The following USP48 variants were observed in gnomAD, a reference collection of about 807,000 sequenced individuals.
USP48 encodes ubiquitin specific peptidase 48, also known as ubiquitin carboxyl-terminal hydrolase 48.
In USP48, 43 loss-of-function variants were observed where a neutral mutation model predicts 150.7. That is an observed-to-expected ratio of 0.29 (90% CI 0.22 to 0.37). The LOEUF is 0.37. Ranked by LOEUF, USP48 falls within the 10% of genes least tolerant of loss-of-function variation. The pLI is 1.00. For missense variants in USP48, 813 were observed against 1,249.6 expected, an observed-to-expected ratio of 0.65 and a Z score of 5.27; for synonymous variants, 396 against 425.9, an observed-to-expected ratio of 0.93 and a Z score of 0.86.
At chr1:21,739,594 T>A (rs929356960) in intron 8 of USP48, among the ~76,000 whole-genome samples, 1 of 151,816 alleles carries the variant, frequency 6.6e-6, no homozygotes, top group African/African-American at 2.4e-5. Flanking sequence ...ATGTTTGATA[T>A]GTTTACATCA....
At chr1:21,734,220 G>A (rs2097763626) in intron 9 of USP48, among the ~76,000 whole-genome samples, 1 of 152,102 alleles carries the variant, frequency 6.6e-6, no homozygotes, top group South Asian at 2.1e-4. Context: ...GGAACCCAGG[G>A]AGACTCTGTC....
Position 21,782,929 on chromosome 1 carries a change from G to C in USP48, c.29C>G (p.Ala10Gly). 1.9e-6 allele frequency: 3 copies of C among 1,548,678 alleles called. No homozygotes were observed. Among genetic ancestry groups the C allele is most frequent in the Non-Finnish European group, 2.6e-6 (3 of 1,148,978 alleles). MAPRLQLEK[A>G]AWRWAETVRP... Reference sequence around the variant, plus strand: ...CACCGTCTCCGCCCAGCGCCAGGCCGCCTTCTCCAGCTGCAGCCGCGGGGC... The same window carrying C: ...CACCGTCTCCGCCCAGCGCCAGGCCCCCTTCTCCAGCTGCAGCCGCGGGGC... Residue 10 changes from alanine (A) to glycine (G), a missense_variant, in exon 1 of 27, where the codon GCG becomes GGG. Physicochemically the swap from Ala to Gly is moderately conservative, Grantham distance 60 (BLOSUM62 0). Coordinates refer to ENST00000308271, the MANE Select transcript of USP48 (RefSeq NM_032236.8).
At chr1:21,760,514 G>C (rs1463776465) in intron 1 of USP48, among the ~76,000 whole-genome samples, 2 of 150,844 alleles carry the variant, frequency 1.3e-5, no homozygotes, top group African/African-American at 2.4e-5. Flanking sequence ...AGGAGTTCGA[G>C]ACCAGCCTGG....
At position 21,779,272 on chromosome 1, in the gene USP48, C is replaced by T. The variant is rs1572074771; in HGVS notation, c.134+3552G>A. On this transcript the variant is annotated intron_variant, in intron 1 of 26. Coordinates refer to ENST00000308271, the MANE Select transcript of USP48 (RefSeq NM_032236.8). Reference sequence around the variant, plus strand: ...AAATAAAAGTTAAAAGAGCTGGGTGCGGTGGCTCAAGCCTGTAATCCCAGC... The same window carrying T: ...AAATAAAAGTTAAAAGAGCTGGGTGTGGTGGCTCAAGCCTGTAATCCCAGC... 2.0e-5 allele frequency among the ~76,000 whole-genome samples: 3 copies of T among 151,830 alleles called. No homozygotes were observed. In the South Asian group the frequency reaches 6.3e-4, roughly 32 times the overall value.
At chr1:21,764,785 C>T (rs1421784154) in intron 1 of USP48, among the ~76,000 whole-genome samples, 1 of 151,324 alleles carries the variant, frequency 6.6e-6, no homozygotes, top group African/African-American at 2.4e-5. Flanking sequence ...AGATTAGCAA[C>T]CTTTAGTCCT....
intron 15 of USP48, 113 bp downstream of exon 15, chr1:21,715,276 A>C: frequency 2.9e-6 from 2 of 698,548 alleles, no homozygotes; most frequent in Non-Finnish European, 4.7e-6. Context: ...ATTCTATTAA[A>C]AAAAATTTTT....
Position 21,699,183 on chromosome 1 carries a change from C to A in USP48, c.2727+2315G>T, listed in dbSNP as rs1190420726. On this transcript the variant is annotated intron_variant, in intron 22 of 26. Coordinates refer to ENST00000308271, the MANE Select transcript of USP48 (RefSeq NM_032236.8). ...TACCTGGGATTACAGGCCCACACCACCACACCTAATTTTTTTTTTTTTTTT... is the reference window on the plus strand; with the variant it reads ...TACCTGGGATTACAGGCCCACACCAACACACCTAATTTTTTTTTTTTTTTT... 5.5e-5 allele frequency among the ~76,000 whole-genome samples: 8 copies of A among 146,152 alleles called. No homozygotes were observed. The Admixed American group carries it at 5.6e-4, about 10-fold the overall frequency.
At chr1:21,715,335 C>G (rs750854418) in intron 15 of USP48, 54 bp downstream of exon 15, 6 of 1,423,668 alleles carry the variant, frequency 4.2e-6, no homozygotes, top group African/African-American at 1.4e-5. Context: ...GCAGTAGAAG[C>G]TAAAAGTAAA....
chr1:21,734,764 G>A (rs2097765030), intron 9 of USP48, among the ~76,000 whole-genome samples: 1 of 152,202 alleles, frequency 6.6e-6, no homozygotes, highest in South Asian at 2.1e-4. Context: ...CAAAGTATGT[G>A]CCCTTGGACA....
At chr1:21,759,181 C>CAAAAAAAAAAA in intron 1 of USP48, among the ~76,000 whole-genome samples, 1 of 69,258 alleles carries the variant, frequency 1.4e-5, no homozygotes, top group Non-Finnish European at 2.5e-5. Flanking sequence ...GACACGGTCT[C>CAAAAAAAAAAA]AAAAAAAAAA....
chr1:21,702,548 C>T (rs1275039633), intron 21 of USP48, among the ~76,000 whole-genome samples: 4 of 151,536 alleles, frequency 2.6e-5, no homozygotes, highest in Non-Finnish European at 5.9e-5. Flanking sequence ...CACAGCAATT[C>T]CAAACACTAT....
Position 21,729,842 on chromosome 1 carries a change from A to G in USP48, c.1172-10T>C, listed in dbSNP as rs765298719. The G allele has an allele frequency of 6.2e-7, 1 of 1,613,954 alleles. No individual in the cohort carries two copies. The highest frequency in any genetic ancestry group is 2.2e-5 in the East Asian group (1 of 44,854). ...GACTTAGAAGGTTCTGCTGAGATAGAGAAATCAAAAGGTACCTTAACTTAA... is the reference window on the plus strand; with the variant it reads ...GACTTAGAAGGTTCTGCTGAGATAGGGAAATCAAAAGGTACCTTAACTTAA... On this transcript the variant is annotated splice_polypyrimidine_tract_variant and intron_variant, in intron 9 of 26. Transcript: ENST00000308271.
chr1:21,773,950 C>A (rs2097889820), intron 1 of USP48, among the ~76,000 whole-genome samples: 1 of 152,040 alleles, frequency 6.6e-6, no homozygotes, highest in South Asian at 2.1e-4. Context: ...CCAGTCAGGG[C>A]AGCAAAGCAA....
intron 9 of USP48, among the ~76,000 whole-genome samples, chr1:21,734,468 T>C (rs903657216): frequency 2.6e-5 from 4 of 152,170 alleles, no homozygotes; most frequent in South Asian, 2.1e-4. Flanking sequence ...CCAAGCTACA[T>C]GAATGGAGTT....
intron 25 of USP48, chr1:21,681,123 C>A: frequency 3.9e-6 from 1 of 259,182 alleles, no homozygotes; most frequent in Non-Finnish European, 7.2e-6. Flanking sequence ...GGGAGGAAGC[C>A]ATGTAACTGA....
rs372352149 is a variant in USP48 at position 21,746,294 on chromosome 1, G to GT, written c.991+772dup. 5.9e-5 allele frequency among the ~76,000 whole-genome samples: 9 copies of GT among 152,266 alleles called. 1 individual carries two copies. Among genetic ancestry groups the GT allele is most frequent in the African/African-American group, 2.2e-4 (9 of 41,552 alleles). ...GCAGGTGTCCCACTTGAGGCCAGGA[G>GT]TTTGAGACCAGCTTGGCCAACACGG... is the stretch of plus-strand genomic sequence containing the variant. On this transcript the variant is annotated intron_variant, in intron 8 of 26. Transcript: ENST00000308271.
intron 1 of USP48, among the ~76,000 whole-genome samples, chr1:21,779,566 A>T (rs2097909459): frequency 6.6e-6 from 1 of 151,956 alleles, no homozygotes. Flanking sequence ...TAATAATAAT[A>T]ATAAAAAGTT....
At chr1:21,699,814 C>CCACACACACACACACA (rs10660046) in intron 22 of USP48, among the ~76,000 whole-genome samples, 86 of 149,266 alleles carry the variant, frequency 5.8e-4, no homozygotes, top group African/African-American at 1.3e-3. Flanking sequence ...CTGCGCCTGG[C>CCACACACACACACACA]CACACACACA....
chr1:21,781,355 C>A (rs1277514318), intron 1 of USP48, among the ~76,000 whole-genome samples: 2 of 152,144 alleles, frequency 1.3e-5, no homozygotes, highest in Non-Finnish European at 2.9e-5. Context: ...AGGAGAATCG[C>A]TTGAACCAAG....
Sources: gnomAD v4.1 joint callset for allele counts (sites outside exome capture counted in the v4.1 genomes callset) on GRCh38, gnomAD v4.1.1 for gene constraint, MANE v1.5 for transcripts, NCBI Gene and HGNC (gene_info 2026-07-23, HGNC 2026-07-21) for gene names.